Variants in NIPAL1 observed in about 807,000 individuals in gnomAD.
The protein encoded by NIPAL1 is NIPA like domain containing 1.
Under a neutral mutation model 37.7 loss-of-function variants are expected in NIPAL1, and 35 were observed. The observed-to-expected ratio is 0.93, with a 90% CI of 0.71 to 1.23. NIPAL1 has a LOEUF of 1.23. Ranked by LOEUF, NIPAL1 falls within the 50% of genes most tolerant of loss-of-function variation. The probability of loss-of-function intolerance (pLI) is 0.00; values close to 1 mark genes in which losing one functional copy is unlikely to be tolerated. For missense variants in NIPAL1, 412 were observed against 473.9 expected (o/e 0.87, Z 1.21); for synonymous variants, 162 against 183.0 (o/e 0.89, Z 0.93).
chr4:48,016,922 G>C, intron 1 of NIPAL1, 37 bp downstream of exon 1: 1 of 1,570,184 alleles, frequency 6.4e-7, no homozygotes, highest in Non-Finnish European at 8.6e-7. Context: ...CCTGGCAGCT[G>C]GGTGGCGAAG....
intron 1 of NIPAL1, among the ~76,000 whole-genome samples, chr4:48,019,652 A>G (rs996897498): frequency 6.6e-6 from 1 of 152,216 alleles, no homozygotes. Context: ...AAGAAAAGGC[A>G]ATAGTAGGGA....
At chr4:48,035,537 T>G in intron 5 of NIPAL1, 25 bp from the exon 6 acceptor site, 6 of 1,584,714 alleles carry the variant, frequency 3.8e-6, no homozygotes, top group Non-Finnish European at 5.1e-6. Flanking sequence ...TTTTCTAAAG[T>G]CAAATTCTTT....
In NIPAL1 at chr4:48,022,178, A is replaced by G. The variant is rs575395325; in HGVS notation, c.47-2890A>G. On this transcript the variant is annotated intron_variant, in intron 1 of 5. Coordinates refer to ENST00000295461, the MANE Select transcript of NIPAL1 (RefSeq NM_207330.3). ...GAGATGTCTTTGATTCCTTTAAAAC[A>G]CTCCAAATTCCCTGCCCACACACCA... 4.6e-5 allele frequency among the ~76,000 whole-genome samples: 7 copies of G among 151,994 alleles called. No homozygotes were observed. The East Asian group carries it at 1.4e-3, about 29-fold the overall frequency.
At chr4:48,033,104 T>A in intron 4 of NIPAL1, 21 bp downstream of exon 4, 2 of 1,481,648 alleles carry the variant, frequency 1.3e-6, no homozygotes, top group East Asian at 4.5e-5. Context: ...AACAGGGAAC[T>A]TGGCTTCTGT....
intron 1 of NIPAL1, among the ~76,000 whole-genome samples, chr4:48,023,157 G>A (rs528749179): frequency 6.6e-6 from 1 of 152,060 alleles, no homozygotes; most frequent in South Asian, 2.1e-4. Flanking sequence ...CAAACCTCTA[G>A]CCTCTGCCTC....
chr4:48,024,321 T>C (rs1449018917), intron 1 of NIPAL1, among the ~76,000 whole-genome samples: 1 of 140,886 alleles, frequency 7.1e-6, no homozygotes, highest in East Asian at 2.1e-4. Flanking sequence ...TGCTGTTACC[T>C]AGGCTGGAGT....
intron 3 of NIPAL1, among the ~76,000 whole-genome samples, chr4:48,030,892 C>T (rs1450064404): frequency 6.6e-6 from 1 of 152,150 alleles, no homozygotes; most frequent in Non-Finnish European, 1.5e-5. Flanking sequence ...CCCTGAATTT[C>T]CCCAAACCAA....
rs1715927647 is a variant in NIPAL1 at position 48,036,046 on chromosome 4, C to T, written c.1107C>T (p.Ser369=). ...NTDITWSELT[S]TAKKEAVSLN... ...ACATTACTTGGAGTGAGCTTACATC[C>T]ACTGCTAAGAAAGAAGCCGTCTCTC... Residue 369 remains serine, a synonymous_variant, in exon 6 of 6, where the codon TCC becomes TCT. Coordinates refer to ENST00000295461, the MANE Select transcript of NIPAL1 (RefSeq NM_207330.3). 1 of 1,610,488 alleles carries T rather than the reference C, an allele frequency of 6.2e-7. No homozygotes were observed. The highest frequency in any genetic ancestry group is 8.5e-7 in the Non-Finnish European group (1 of 1,179,256).
chr4:48,017,171 G>C (rs560544658), intron 1 of NIPAL1, among the ~76,000 whole-genome samples: 2 of 152,356 alleles, frequency 1.3e-5, no homozygotes, highest in East Asian at 1.9e-4. Flanking sequence ...CGCGTGCTGC[G>C]TGTGGGACGG....
intron 3 of NIPAL1, among the ~76,000 whole-genome samples, chr4:48,031,327 C>T (rs766156568): frequency 1.3e-5 from 2 of 152,150 alleles, no homozygotes; most frequent in African/African-American, 4.8e-5. Flanking sequence ...TTCAGAAGTG[C>T]TGTGATTACA....
Position 48,037,379 on chromosome 4 carries a change from T to C in NIPAL1, c.*1207T>C. ...TTGGAGTCACTTATGTTCATTTTTT[T>C]TCCTTTTCTTTTACTATTATCCTAA... On this transcript the variant is annotated 3_prime_UTR_variant, in exon 6 of 6. Coordinates refer to ENST00000295461, the MANE Select transcript of NIPAL1 (RefSeq NM_207330.3). The C allele has an allele frequency of 3.1e-6, 1 of 317,798 alleles. No homozygotes were observed. Among genetic ancestry groups the C allele is most frequent in the South Asian group, 2.5e-5 (1 of 40,332 alleles). 19.7% of individuals were successfully genotyped at this position (317,798 alleles called of 1,614,324 possible).
At chr4:48,017,550 T>C (rs1275713992) in intron 1 of NIPAL1, among the ~76,000 whole-genome samples, 3 of 152,200 alleles carry the variant, frequency 2.0e-5, no homozygotes, top group Non-Finnish European at 4.4e-5. Context: ...GGAGCACTCG[T>C]TTGCAGGCTC....
rs184864375 is a variant in NIPAL1, at chr4:48,038,888, G to C, written c.*2716G>C. The C allele has an allele frequency of 6.6e-6, 1 of 152,214 alleles. No homozygotes were observed. The highest frequency in any genetic ancestry group is 1.9e-4 in the East Asian group (1 of 5,172). 9.4% of individuals were successfully genotyped at this position (152,214 alleles called of 1,614,324 possible). ...CAAGGCTCATTGTGTACCCTGGACA[G>C]GAAATTGAACTGATGTTGACATGTA... On this transcript the variant is annotated 3_prime_UTR_variant, in exon 6 of 6. Transcript: ENST00000295461.
chr4:48,032,715 T>C (rs975329673), intron 3 of NIPAL1, among the ~76,000 whole-genome samples: 2 of 152,234 alleles, frequency 1.3e-5, no homozygotes, highest in East Asian at 3.8e-4. Context: ...TCTTCAATAT[T>C]GAAGTAGCTA....
intron 2 of NIPAL1, among the ~76,000 whole-genome samples, chr4:48,025,804 T>C (rs1030613494): frequency 1.1e-4 from 17 of 152,290 alleles, no homozygotes; most frequent in African/African-American, 3.4e-4. Context: ...TGTCTCCCAG[T>C]CTCTGATCTC....
intron 3 of NIPAL1, among the ~76,000 whole-genome samples, 166 bp from the exon 4 acceptor site, chr4:48,032,827 A>C (rs1225451110): frequency 6.6e-6 from 1 of 152,186 alleles, no homozygotes; most frequent in African/African-American, 2.4e-5. Context: ...TGCATCTCTT[A>C]ATATTAATTA....
rs144695519 is a variant in NIPAL1 at position 48,020,828 on chromosome 4, G to C, written c.46+3943G>C. On this transcript the variant is annotated intron_variant, in intron 1 of 5. Transcript: ENST00000295461. ...TAATCCAAACTATCACAGTAGAATA[G>C]ATGGTGAGACCCCCAACTGGAAATA... 2.4e-3 allele frequency among the ~76,000 whole-genome samples: 364 copies of C among 152,296 alleles called. 3 individuals are homozygous for C. Among genetic ancestry groups the C allele is most frequent in the African/African-American group, 8.2e-3 (340 of 41,552 alleles).
In NIPAL1 at chr4:48,016,896, G is replaced by T. The variant is rs997571989; in HGVS notation, c.46+11G>T. ...AGCCCTGCCGAGAAGGTTTGTGTCTGCCCTGAGCCGAGGGACCTGGCAGCT... is the reference window on the plus strand; with the variant it reads ...AGCCCTGCCGAGAAGGTTTGTGTCTTCCCTGAGCCGAGGGACCTGGCAGCT... On this transcript the variant is annotated intron_variant, in intron 1 of 5. Coordinates refer to ENST00000295461, the MANE Select transcript of NIPAL1 (RefSeq NM_207330.3). The T allele has an allele frequency of 1.9e-6, 3 of 1,594,714 alleles. No homozygotes were observed. Among genetic ancestry groups the T allele is most frequent in the Non-Finnish European group, 8.5e-7 (1 of 1,172,598 alleles).
At chr4:48,034,209 C>A (rs576332218) in intron 4 of NIPAL1, among the ~76,000 whole-genome samples, 2 of 152,318 alleles carry the variant, frequency 1.3e-5, no homozygotes, top group East Asian at 3.9e-4. Context: ...AAGTCTGTAT[C>A]AAGCTTCTCC....
Sources: allele counts gnomAD v4.1 joint callset (sites outside exome capture counted in the v4.1 genomes callset), GRCh38; gene constraint gnomAD v4.1.1; transcripts MANE v1.5; gene names NCBI Gene and HGNC (gene_info 2026-07-23, HGNC 2026-07-21).